Variants in SLC9D1 observed in about 807,000 individuals in gnomAD.
SLC9D1 encodes the protein putative LAG1-interacting protein.
chr13:113,522,709 T>C, the SLC9D1 span, among the ~76,000 whole-genome samples: 2 of 152,098 alleles, frequency 1.3e-5, no homozygotes, highest in African/African-American at 4.8e-5. Flanking sequence ...CTCGGCTCAC[T>C]GAAACCTCCA....
the SLC9D1 span, chr13:113,496,029 A>C: frequency 6.3e-7 from 1 of 1,592,880 alleles, no homozygotes; most frequent in South Asian, 1.1e-5. Flanking sequence ...AATAAAGGTC[A>C]GTCCTAGAGA....
At chr13:113,549,263 C>G in the SLC9D1 span, among the ~76,000 whole-genome samples, 2 of 151,824 alleles carry the variant, frequency 1.3e-5, no homozygotes, top group African/African-American at 2.4e-5. Flanking sequence ...CCCACCCCCC[C>G]GTGCAGGCAT....
At chr13:113,546,311 C>T in the SLC9D1 span, among the ~76,000 whole-genome samples, 1 of 150,596 alleles carries the variant, frequency 6.6e-6, no homozygotes, top group Non-Finnish European at 1.5e-5. This position sits in a 1 kb window ranked among gnomAD's most constrained non-coding sequence, Gnocchi z 7.1. Context: ...GACCCCAGGC[C>T]GCCGTGGGGC....
At chr13:113,547,148 T>G in the SLC9D1 span, 5 of 660,980 alleles carry the variant, frequency 7.6e-6, no homozygotes, top group Non-Finnish European at 1.4e-5. Context: ...GGCGGCTTTT[T>G]AGCATTTGCT....
chr13:113,496,094 G>T, the SLC9D1 span: 1 of 1,093,308 alleles, frequency 9.1e-7, no homozygotes, highest in Non-Finnish European at 1.3e-6. Flanking sequence ...GGGAGAGTGC[G>T]TGCCCACATC....
chr13:113,548,457 G>T, the SLC9D1 span: 2 of 1,601,862 alleles, frequency 1.2e-6, no homozygotes, highest in East Asian at 2.2e-5. Context: ...CGGGAGGTGA[G>T]TGGCTTCCCC....
the SLC9D1 span, among the ~76,000 whole-genome samples, chr13:113,544,118 C>T: frequency 2.0e-5 from 3 of 152,348 alleles, no homozygotes; most frequent in South Asian, 2.1e-4. Context: ...CAGATGTGTC[C>T]GGGCTGCCTG....
chr13:113,544,729 G>A, the SLC9D1 span, among the ~76,000 whole-genome samples: 2 of 152,226 alleles, frequency 1.3e-5, no homozygotes, highest in African/African-American at 2.4e-5. Context: ...TGGCTCAGCC[G>A]CCATGGCCTG....
the SLC9D1 span, among the ~76,000 whole-genome samples, chr13:113,517,293 C>T: frequency 6.6e-6 from 1 of 152,130 alleles, no homozygotes. Flanking sequence ...AGTGCAACGG[C>T]ACAATTTCAG....
chr13:113,539,505 T>C, the SLC9D1 span: 2 of 1,611,414 alleles, frequency 1.2e-6, no homozygotes, highest in Non-Finnish European at 8.5e-7. The surrounding 1 kb of genome is among the most constrained non-coding windows in gnomAD (Gnocchi z 4.8). Flanking sequence ...TTCGCCTCCA[T>C]AGGTAATCTT....
chr13:113,526,119 T>G, the SLC9D1 span, among the ~76,000 whole-genome samples: 4 of 152,214 alleles, frequency 2.6e-5, no homozygotes, highest in Non-Finnish European at 2.9e-5. Flanking sequence ...GACCTTGCAG[T>G]GGGACAGGAT....
chr13:113,538,962 C>T, the SLC9D1 span, among the ~76,000 whole-genome samples: 96 of 152,330 alleles, frequency 6.3e-4, 1 homozygote, highest in African/African-American at 2.2e-3. Context: ...GTCGTCCTGT[C>T]GCTTTCTCTC....
At chr13:113,497,714 A>G in the SLC9D1 span, among the ~76,000 whole-genome samples, 1 of 152,224 alleles carries the variant, frequency 6.6e-6, no homozygotes, top group African/African-American at 2.4e-5. Flanking sequence ...TCTCATGACT[A>G]CTTAGTAATT....
the SLC9D1 span, among the ~76,000 whole-genome samples, chr13:113,494,976 C>T: frequency 2.0e-5 from 3 of 152,172 alleles, no homozygotes; most frequent in East Asian, 1.9e-4. Context: ...GTCCGCCTCC[C>T]GGGTTCTAGC....
chr13:113,548,590 C>T, the SLC9D1 span: 1 of 885,082 alleles, frequency 1.1e-6, no homozygotes, highest in Non-Finnish European at 1.7e-6. Context: ...CACGCAGAGG[C>T]CTGGCTGCTC....
chr13:113,537,147 A>T, the SLC9D1 span, among the ~76,000 whole-genome samples: 1 of 152,188 alleles, frequency 6.6e-6, no homozygotes, highest in Non-Finnish European at 1.5e-5. Context: ...ATTTGTAGGA[A>T]TTATTTTTTA....
the SLC9D1 span, among the ~76,000 whole-genome samples, chr13:113,538,421 T>C: frequency 2.8e-4 from 42 of 152,368 alleles, no homozygotes; most frequent in African/African-American, 9.9e-4. Context: ...GTCTTGGCTC[T>C]ATTCGTGCTC....
chr13:113,510,362 C>G, the SLC9D1 span: 1 of 1,614,090 alleles, frequency 6.2e-7, no homozygotes, highest in East Asian at 2.2e-5. Flanking sequence ...ACGTGTCTGT[C>G]CTTGTCAAGC....
the SLC9D1 span, chr13:113,539,449 C>T: frequency 1.1e-4 from 170 of 1,613,672 alleles, 1 homozygote; most frequent in African/African-American, 1.7e-3. This position sits in a 1 kb window ranked among gnomAD's most constrained non-coding sequence, Gnocchi z 4.8. Flanking sequence ...CCGAGGAGAT[C>T]GCCACCTCCA....
Sources: allele counts gnomAD v4.1 joint callset (sites outside exome capture counted in the v4.1 genomes callset), GRCh38; gene constraint gnomAD v4.1.1; non-coding constraint Gnocchi (gnomAD v3.1); transcripts MANE v1.5; gene names NCBI Gene and HGNC (gene_info 2026-07-23, HGNC 2026-07-21).